Variants in CFAP251 observed in about 807,000 individuals in gnomAD.
CFAP251 encodes the protein cilia- and flagella-associated protein 251.
In CFAP251, 93 loss-of-function variants were observed where a neutral mutation model predicts 126.7. That is an observed-to-expected ratio of 0.73 (90% CI 0.62 to 0.87). CFAP251 has a LOEUF of 0.87. CFAP251 is among the 40% of genes least tolerant of loss of function. The pLI is 0.00. For missense variants in CFAP251, 1,287 were observed against 1,389.2 expected, an observed-to-expected ratio of 0.93 and a Z score of 1.17; for synonymous variants, 503 against 506.9, an observed-to-expected ratio of 0.99 and a Z score of 0.10.
intron 14 of CFAP251, 56 bp from the exon 15 acceptor site, chr12:121,961,922 G>A: frequency 6.4e-7 from 1 of 1,561,058 alleles, no homozygotes; most frequent in African/African-American, 1.4e-5. Context: ...GGGTTCCTTA[G>A]CTGAGCCTTT....
intron 10 of CFAP251, among the ~76,000 whole-genome samples, chr12:121,954,660 A>AAAAAAAAC: frequency 6.8e-6 from 1 of 146,746 alleles, no homozygotes; most frequent in Non-Finnish European, 1.5e-5. Context: ...AAAAAAAAAA[A>AAAAAAAAC]AAAAAAAACC....
At chr12:121,962,412 T>C (rs568415975) in intron 15 of CFAP251, among the ~76,000 whole-genome samples, 3 of 152,356 alleles carry the variant, frequency 2.0e-5, no homozygotes, top group African/African-American at 7.2e-5. Context: ...AAGTTGCTAA[T>C]GCTATCTCCT....
chr12:121,959,149 A>G (rs1233181129), intron 13 of CFAP251, 55 bp downstream of exon 13: 2 of 1,512,126 alleles, frequency 1.3e-6, no homozygotes, highest in Admixed American at 2.2e-5. Context: ...ATTTGAAACC[A>G]AAAGAGGCCA....
At chr12:121,919,236 C>T (rs1467499144) in intron 1 of CFAP251, among the ~76,000 whole-genome samples, 1 of 151,696 alleles carries the variant, frequency 6.6e-6, no homozygotes, top group African/African-American at 2.4e-5. Context: ...ACTCTGTACT[C>T]TCTGGGACTT....
At chr12:121,979,861 C>T (rs529143381) in intron 19 of CFAP251, among the ~76,000 whole-genome samples, 38 of 152,144 alleles carry the variant, frequency 2.5e-4, no homozygotes, top group African/African-American at 6.3e-4. Context: ...CCACCGTGCC[C>T]GGCCTCAGCC....
chr12:121,934,158 CT>C (rs1336145922), intron 4 of CFAP251, 88 bp from the exon 5 acceptor site: 13 of 983,688 alleles, frequency 1.3e-5, no homozygotes, highest in Non-Finnish European at 1.6e-5. Context: ...GAGCTCAGAT[CT>C]TTCTGTGGGT....
At chr12:121,955,664 C>T (rs1251269829) in intron 10 of CFAP251, 1 of 152,168 alleles carries the variant, frequency 6.6e-6, no homozygotes, top group African/African-American at 2.4e-5. Flanking sequence ...TTTCAAAATG[C>T]CCATTTGCTT....
rs116917177 is a variant in CFAP251, at chr12:121,946,779, G to A, written c.1192-2205G>A. ...TTTTTTTTAGAGATGGGGTCTCGCT[G>A]TGTTGCCCAGGCTGGTCCCAAACTC... On this transcript the variant is annotated intron_variant, in intron 7 of 21. Coordinates refer to ENST00000288912, the MANE Select transcript of CFAP251 (RefSeq NM_144668.6). Among the ~76,000 whole-genome samples, 173 of 151,406 alleles carry A rather than the reference G, an allele frequency of 1.1e-3. No individual in the cohort carries two copies. The East Asian group carries it at 0.027, about 23-fold the overall frequency.
chr12:121,932,869 T>C (rs1170492486), intron 4 of CFAP251: 1 of 152,386 alleles, frequency 6.6e-6, no homozygotes, highest in Admixed American at 6.5e-5. Flanking sequence ...ACAGTGGTGA[T>C]GGCAGAGAGA....
At chr12:121,921,124 C>T (rs369896644) in intron 1 of CFAP251, among the ~76,000 whole-genome samples, 162 bp from the exon 2 acceptor site, 74 of 152,320 alleles carry the variant, frequency 4.9e-4, no homozygotes, top group African/African-American at 1.7e-3. Flanking sequence ...GCTGGGATTA[C>T]AGGCATGAGC....
rs1326002185 is a variant in CFAP251, at chr12:121,954,300, A to G, written c.1501A>G (p.Lys501Glu). ...IKPCKLVHLQKEGITVLTTID... is the reference protein window; with the variant it reads ...IKPCKLVHLQEEGITVLTTID... ...GCCTTGTAAATTGGTTCATTTGCAG[A>G]AAGAGGGTATCACGGTACTTACCAC... Residue 501 changes from lysine (K) to glutamate (E), a missense_variant, in exon 10 of 22, where the codon AAA becomes GAA. Physicochemically the swap from Lys to Glu is moderately conservative, Grantham distance 56. Coordinates refer to ENST00000288912, the MANE Select transcript of CFAP251 (RefSeq NM_144668.6). 3.1e-6 allele frequency: 5 copies of G among 1,614,050 alleles called. No homozygotes were observed. The highest frequency in any genetic ancestry group is 3.4e-6 in the Non-Finnish European group (4 of 1,180,026).
chr12:121,948,091 C>G (rs900024105), intron 7 of CFAP251: 7 of 152,220 alleles, frequency 4.6e-5, no homozygotes, highest in Admixed American at 4.6e-4. Context: ...CCCATGGCTC[C>G]CCAGGAAGAG....
At chr12:121,980,408 CT>C (rs548905552) in intron 19 of CFAP251, among the ~76,000 whole-genome samples, 1,897 of 139,364 alleles carry the variant, frequency 0.014, 18 homozygotes, top group African/African-American at 0.039. Context: ...TCACTTCCTT[CT>C]TTTTTTTTTT....
chr12:121,919,124 A>ATTTT (rs11374418), intron 1 of CFAP251, among the ~76,000 whole-genome samples: 2 of 145,522 alleles, frequency 1.4e-5, no homozygotes, highest in Non-Finnish European at 3.0e-5. Context: ...TTCATTATTT[A>ATTTT]TTTATTATTA....
chr12:121,930,882 G>A (rs921011569), intron 3 of CFAP251, among the ~76,000 whole-genome samples: 4 of 151,754 alleles, frequency 2.6e-5, no homozygotes, highest in Non-Finnish European at 4.4e-5. Context: ...CTGAGTAGCT[G>A]GGAGTAAAGG....
In CFAP251 at chr12:121,967,081, C is replaced by G. The variant is rs943909005; in HGVS notation, c.2607+12C>G. ...TTAACAGAGACAAGGTAACAGCGCTCTCTTCTCCAGTTCTGGGAGTTGACT... is the reference window on the plus strand; with the variant it reads ...TTAACAGAGACAAGGTAACAGCGCTGTCTTCTCCAGTTCTGGGAGTTGACT... On this transcript the variant is annotated intron_variant, in intron 16 of 21. Coordinates refer to ENST00000288912, the MANE Select transcript of CFAP251 (RefSeq NM_144668.6). The G allele has an allele frequency of 6.2e-6, 10 of 1,608,066 alleles. No homozygotes were observed. The Admixed American group carries it at 8.3e-5, about 13-fold the overall frequency.
chr12:121,951,407 T>C, intron 8 of CFAP251, 73 bp from the exon 9 acceptor site: 1 of 1,088,246 alleles, frequency 9.2e-7, no homozygotes, highest in South Asian at 1.8e-5. Flanking sequence ...TTTGTTTTGC[T>C]TTTATTATTA....
intron 6 of CFAP251, 76 bp from the exon 7 acceptor site, chr12:121,942,819 T>G: frequency 6.6e-7 from 1 of 1,524,332 alleles, no homozygotes; most frequent in Non-Finnish European, 9.1e-7. Flanking sequence ...AGTTTTGGGG[T>G]CACCACAAGA....
In CFAP251 at chr12:121,975,555, A is replaced by G. The variant is rs756215160; in HGVS notation, c.2876A>G (p.Tyr959Cys). 4 of 1,608,790 alleles carry G rather than the reference A, an allele frequency of 2.5e-6. No individual in the cohort carries two copies. Among genetic ancestry groups the G allele is most frequent in the South Asian group, 1.1e-5 (1 of 89,606 alleles). ...EGKFYRELED[Y>C]FYYSQLRSQG... ...ATTCCTACATAGGAGCTAGAAGACT[A>G]CTTCTACTATTCTCAGCTCCGCAGT... The change falls in exon 19 of 22, where the codon TAC becomes TGC. Residue 959 changes from tyrosine (Y) to cysteine (C), a missense_variant. Physicochemically the swap from Tyr to Cys is radical, Grantham distance 194. Coordinates refer to ENST00000288912, the MANE Select transcript of CFAP251 (RefSeq NM_144668.6).
Sources: gnomAD v4.1 joint callset for allele counts (sites outside exome capture counted in the v4.1 genomes callset) on GRCh38, gnomAD v4.1.1 for gene constraint, MANE v1.5 for transcripts, NCBI Gene and HGNC (gene_info 2026-07-23, HGNC 2026-07-21) for gene names.